The following IL1RAPL1 variants were observed in gnomAD, a reference collection of about 807,000 sequenced individuals.
The protein encoded by IL1RAPL1 is interleukin-1 receptor accessory protein-like 1.
In IL1RAPL1, 3 loss-of-function variants were observed where a neutral mutation model predicts 48.4. The ratio of observed to expected loss-of-function variants is 0.06; its 90% confidence interval spans 0.03 to 0.16. IL1RAPL1 has a LOEUF of 0.16. Among genes scored for constraint, IL1RAPL1 ranks in the 10% least tolerant of loss-of-function variants. The pLI, the probability that IL1RAPL1 is intolerant of heterozygous loss-of-function variation, is 1.00. For missense variants in IL1RAPL1, 349 were observed against 530.6 expected, an observed-to-expected ratio of 0.66 and a Z score of 3.36; for synonymous variants, 185 against 187.7, an observed-to-expected ratio of 0.99 and a Z score of 0.12.
chrX:28,779,381 T>C (rs1360436207), intron 1 of IL1RAPL1, among the ~76,000 whole-genome samples: 3 of 108,791 alleles, frequency 2.8e-5, no homozygotes, highest in Non-Finnish European at 5.7e-5. Flanking sequence ...AAATGGACTT[T>C]TTCTATGCAC....
At chrX:29,158,950 C>G (rs1405063634) in intron 2 of IL1RAPL1, among the ~76,000 whole-genome samples, 3 of 59,626 alleles carry the variant, frequency 5.0e-5, no homozygotes, top group Non-Finnish European at 8.7e-5. Flanking sequence ...CTCCCTCCCT[C>G]TCCCTCTCTC....
chrX:29,242,646 C>T lies in IL1RAPL1; in HGVS notation c.83-40292C>T, dbSNP rs773984391. ...TAATGTAATTGATAATGCTAGTATG[C>T]GTGATAAAATGGTATAATTCAAAGT... On this transcript the variant is annotated intron_variant, in intron 2 of 10. Coordinates refer to ENST00000378993, the MANE Select transcript of IL1RAPL1 (RefSeq NM_014271.4). Among the ~76,000 whole-genome samples, 3 of 112,030 alleles carry T rather than the reference C, an allele frequency of 2.7e-5. No homozygotes were observed. The Admixed American group carries it at 2.8e-4, about 11-fold the overall frequency.
intron 3 of IL1RAPL1, among the ~76,000 whole-genome samples, chrX:29,317,684 A>G (rs1382653487): frequency 8.9e-6 from 1 of 112,420 alleles, no homozygotes; most frequent in Non-Finnish European, 1.9e-5. Context: ...ATGATTACAC[A>G]TGAAATACAA....
chrX:29,837,873 A>G (rs1398655618), intron 6 of IL1RAPL1, among the ~76,000 whole-genome samples: 3 of 112,174 alleles, frequency 2.7e-5, no homozygotes, highest in African/African-American at 9.7e-5. Flanking sequence ...TTTGAAAGGC[A>G]GAAAATATAG....
intron 6 of IL1RAPL1, among the ~76,000 whole-genome samples, chrX:29,841,207 T>G (rs1931129203): frequency 8.9e-6 from 1 of 112,014 alleles, no homozygotes; most frequent in South Asian, 3.7e-4. Flanking sequence ...ACATGTATAT[T>G]TAATCATAGA....
At chrX:28,648,281 C>T (rs981763367) in intron 1 of IL1RAPL1, among the ~76,000 whole-genome samples, 3 of 111,745 alleles carry the variant, frequency 2.7e-5, no homozygotes, top group African/African-American at 9.8e-5. Flanking sequence ...CTCATCCCTA[C>T]CTATACAAAA....
At chrX:29,082,084 C>T (rs1039609448) in intron 2 of IL1RAPL1, among the ~76,000 whole-genome samples, 2 of 111,819 alleles carry the variant, frequency 1.8e-5, no homozygotes, top group African/African-American at 6.5e-5. Context: ...TTCTTGGTTA[C>T]CGGGCTATAG....
At chrX:28,595,160 G>C (rs991626740) in intron 1 of IL1RAPL1, among the ~76,000 whole-genome samples, 4 of 111,922 alleles carry the variant, frequency 3.6e-5, no homozygotes, top group Non-Finnish European at 7.5e-5. Context: ...AAACAATAGT[G>C]AACCAATTTT....
At chrX:29,499,805 A>G (rs1292772013) in intron 5 of IL1RAPL1, among the ~76,000 whole-genome samples, 2 of 111,423 alleles carry the variant, frequency 1.8e-5, no homozygotes, top group Non-Finnish European at 3.8e-5. Flanking sequence ...ATTTCCTTCT[A>G]AACAAGTTTT....
intron 2 of IL1RAPL1, among the ~76,000 whole-genome samples, chrX:29,010,654 G>C (rs1926102304): frequency 8.9e-6 from 1 of 111,776 alleles, no homozygotes; most frequent in Non-Finnish European, 1.9e-5. Flanking sequence ...AAGATCTAAT[G>C]TGTATTCAAA....
intron 6 of IL1RAPL1, among the ~76,000 whole-genome samples, chrX:29,724,031 T>G (rs1212946393): frequency 9.0e-6 from 1 of 111,083 alleles, no homozygotes; most frequent in Non-Finnish European, 1.9e-5. Context: ...GCCAGGCTGG[T>G]CTCGAACTCC....
chrX:28,814,991 A>C (rs1163294034), intron 2 of IL1RAPL1, among the ~76,000 whole-genome samples: 2 of 110,283 alleles, frequency 1.8e-5, no homozygotes, highest in Non-Finnish European at 3.8e-5. Context: ...TGTATTACCT[A>C]TGACACTGAT....
At chrX:29,593,018 G>A (rs961602002) in intron 5 of IL1RAPL1, among the ~76,000 whole-genome samples, 2 of 112,373 alleles carry the variant, frequency 1.8e-5, no homozygotes, top group African/African-American at 3.2e-5. Flanking sequence ...GGTGATCCAC[G>A]CTGCTTACAG....
At chrX:29,367,692 T>C (rs1236093905) in intron 3 of IL1RAPL1, among the ~76,000 whole-genome samples, 2 of 108,682 alleles carry the variant, frequency 1.8e-5, no homozygotes, top group Non-Finnish European at 3.8e-5. Context: ...GCAATTCTCC[T>C]GCCTCAGCCT....
chrX:29,885,355 C>G (rs770812412), intron 6 of IL1RAPL1, among the ~76,000 whole-genome samples: 12 of 112,012 alleles, frequency 1.1e-4, no homozygotes, highest in African/African-American at 3.2e-4. Context: ...AACAGATTAT[C>G]TAACTTTTGT....
At chrX:29,304,340 C>T (rs764970579) in intron 3 of IL1RAPL1, among the ~76,000 whole-genome samples, 1 of 111,061 alleles carries the variant, frequency 9.0e-6, no homozygotes, top group Admixed American at 9.6e-5. Flanking sequence ...CTTTATTACT[C>T]AGGAAGTATT....
At chrX:29,744,882 A>G (rs1020435934) in intron 6 of IL1RAPL1, among the ~76,000 whole-genome samples, 1 of 112,440 alleles carries the variant, frequency 8.9e-6, no homozygotes, top group Non-Finnish European at 1.9e-5. Context: ...TAAAGTTAAC[A>G]TGAAATTTGA....
chrX:28,753,693 A>G (rs1305230666), intron 1 of IL1RAPL1, among the ~76,000 whole-genome samples: 2 of 112,147 alleles, frequency 1.8e-5, no homozygotes, highest in African/African-American at 6.5e-5. Context: ...TAGTAGGTCT[A>G]TTTTACTCCC....
At chrX:29,933,357 T>A (rs1457233607) in intron 8 of IL1RAPL1, among the ~76,000 whole-genome samples, 2 of 111,670 alleles carry the variant, frequency 1.8e-5, no homozygotes, top group African/African-American at 6.5e-5. Context: ...AATTTTTAAA[T>A]CTATACTATG....
Sources: gnomAD v4.1 joint callset for allele counts (sites outside exome capture counted in the v4.1 genomes callset) on GRCh38, gnomAD v4.1.1 for gene constraint, MANE v1.5 for transcripts, NCBI Gene and HGNC (gene_info 2026-07-23, HGNC 2026-07-21) for gene names.